The following MARCHF1 variants were observed in gnomAD, a reference collection of about 807,000 sequenced individuals.
MARCHF1 encodes membrane associated ring-CH-type finger 1.
MARCHF1 carries 40 observed loss-of-function variants against 54.2 expected under a neutral mutation model. That is an observed-to-expected ratio of 0.74 (90% CI 0.57 to 0.96). The LOEUF (loss-of-function observed/expected upper bound fraction) is 0.96. Ranked by LOEUF, MARCHF1 falls within the 40% of genes least tolerant of loss-of-function variation. The pLI, the probability that MARCHF1 is intolerant of heterozygous loss-of-function variation, is 0.00. For synonymous variants in MARCHF1, 236 were observed against 236.3 expected (o/e 1.00, Z 0.01); for missense variants, 586 against 656.5 (o/e 0.89, Z 1.17).
chr4:163,643,327 C>CAAAAAT (rs58924723), intron 5 of MARCHF1, among the ~76,000 whole-genome samples: 18,828 of 137,950 alleles, frequency 0.14, 1,983 homozygotes, highest in African/African-American at 0.25. Flanking sequence ...GACCCTGTCT[C>CAAAAAT]AAAAATAAAA....
chr4:164,317,512 G>C (rs1735030442), intron 1 of MARCHF1, among the ~76,000 whole-genome samples: 2 of 152,054 alleles, frequency 1.3e-5, no homozygotes, highest in Non-Finnish European at 2.9e-5. Flanking sequence ...AAGCAAGAGG[G>C]TGAAAAAGGA....
At chr4:163,652,721 G>C (rs1743010508) in intron 5 of MARCHF1, among the ~76,000 whole-genome samples, 1 of 151,714 alleles carries the variant, frequency 6.6e-6, no homozygotes, top group African/African-American at 2.4e-5. Flanking sequence ...TAAAAGTTTA[G>C]AGACGTTTTA....
intron 5 of MARCHF1, among the ~76,000 whole-genome samples, chr4:163,641,418 A>G (rs917681118): frequency 6.6e-6 from 1 of 152,148 alleles, no homozygotes; most frequent in Non-Finnish European, 1.5e-5. Flanking sequence ...AAGTTTCTAA[A>G]GGAAATGAAC....
At chr4:164,063,044 G>A (rs1394505496) in intron 2 of MARCHF1, among the ~76,000 whole-genome samples, 3 of 152,278 alleles carry the variant, frequency 2.0e-5, no homozygotes, top group African/African-American at 7.2e-5. Flanking sequence ...CAACATAGGG[G>A]TTAAAACGTT....
chr4:164,207,810 G>A (rs1731654614), intron 1 of MARCHF1, among the ~76,000 whole-genome samples: 1 of 152,148 alleles, frequency 6.6e-6, no homozygotes, highest in African/African-American at 2.4e-5. Flanking sequence ...ACACACTGGG[G>A]CCTTTCGGAG....
intron 4 of MARCHF1, among the ~76,000 whole-genome samples, chr4:163,756,716 C>T (rs1422304273): frequency 1.4e-5 from 2 of 143,026 alleles, no homozygotes. Context: ...AATTCTCTAA[C>T]TTTCATGTGT....
At chr4:163,780,827 C>G (rs1747444181) in intron 4 of MARCHF1, among the ~76,000 whole-genome samples, 1 of 152,200 alleles carries the variant, frequency 6.6e-6, no homozygotes, top group African/African-American at 2.4e-5. Flanking sequence ...CATACGCCCA[C>G]AGCAGTGTCC....
intron 2 of MARCHF1, among the ~76,000 whole-genome samples, chr4:164,071,403 T>C (rs1441575090): frequency 6.6e-6 from 1 of 152,048 alleles, no homozygotes; most frequent in Admixed American, 6.5e-5. Flanking sequence ...TGGAAATTTA[T>C]ATTTTATTTA....
chr4:163,725,511 A>G (rs890898051), intron 4 of MARCHF1, among the ~76,000 whole-genome samples: 2 of 152,126 alleles, frequency 1.3e-5, no homozygotes, highest in Non-Finnish European at 2.9e-5. Flanking sequence ...CAATAATGAC[A>G]TAAAAAGAAA....
chr4:163,649,772 T>C (rs1742900153), intron 5 of MARCHF1, among the ~76,000 whole-genome samples: 1 of 151,906 alleles, frequency 6.6e-6, no homozygotes, highest in African/African-American at 2.4e-5. Flanking sequence ...GTTCTGTCAT[T>C]GTGTGCCTGA....
At chr4:164,106,910 G>A (rs1179116552) in intron 2 of MARCHF1, among the ~76,000 whole-genome samples, 1 of 151,760 alleles carries the variant, frequency 6.6e-6, no homozygotes, top group Non-Finnish European at 1.5e-5. Context: ...TTTAAATTTT[G>A]TCCAAGGTAT....
At chr4:164,049,458 A>G (rs1214322694) in intron 2 of MARCHF1, among the ~76,000 whole-genome samples, 1 of 152,078 alleles carries the variant, frequency 6.6e-6, no homozygotes, top group African/African-American at 2.4e-5. Context: ...TTTTTAAATA[A>G]TGATACTTGA....
chr4:164,100,719 T>C (rs1755527095), intron 2 of MARCHF1, among the ~76,000 whole-genome samples: 1 of 152,212 alleles, frequency 6.6e-6, no homozygotes, highest in African/African-American at 2.4e-5. Flanking sequence ...AGATAGTTGA[T>C]AGTCAAGATA....
chr4:163,933,000 T>A, intron 3 of MARCHF1: 1 of 959,120 alleles, frequency 1.0e-6, no homozygotes, highest in South Asian at 1.3e-5. Flanking sequence ...AGAGATACAA[T>A]CCACACATCC....
intron 9 of MARCHF1, among the ~76,000 whole-genome samples, chr4:163,541,872 A>G (rs1361370654): frequency 6.6e-6 from 1 of 152,250 alleles, no homozygotes; most frequent in Non-Finnish European, 1.5e-5. Context: ...AACAGTTTAT[A>G]CAGATGCCCA....
chr4:164,226,567 G>A (rs1368564099), intron 1 of MARCHF1, among the ~76,000 whole-genome samples: 1 of 151,918 alleles, frequency 6.6e-6, no homozygotes, highest in Non-Finnish European at 1.5e-5. Context: ...AGGAAACTTT[G>A]TAAAATATGT....
At chr4:164,139,381 T>C (rs987904119) in intron 1 of MARCHF1, among the ~76,000 whole-genome samples, 3 of 152,144 alleles carry the variant, frequency 2.0e-5, no homozygotes, top group Admixed American at 6.5e-5. Context: ...CCAGTCCTTT[T>C]CATGTAAGAA....
At chr4:164,219,142 G>C (rs1298968531) in intron 1 of MARCHF1, among the ~76,000 whole-genome samples, 1 of 152,044 alleles carries the variant, frequency 6.6e-6, no homozygotes, top group Non-Finnish European at 1.5e-5. Context: ...AGCTGTCTCG[G>C]TTTGGGCATT....
chr4:163,792,018 T>C (rs191091418), intron 4 of MARCHF1, among the ~76,000 whole-genome samples: 3 of 152,304 alleles, frequency 2.0e-5, no homozygotes, highest in Admixed American at 2.0e-4. Context: ...AAGTAATGGA[T>C]CTGGTGCTGA....
Sources: gnomAD v4.1 joint callset for allele counts (sites outside exome capture counted in the v4.1 genomes callset) on GRCh38, gnomAD v4.1.1 for gene constraint, MANE v1.5 for transcripts, NCBI Gene and HGNC (gene_info 2026-07-23, HGNC 2026-07-21) for gene names.